EHBP1: variants seen among roughly 807,000 people sequenced by gnomAD.
EHBP1 encodes EH domain binding protein 1, also known as EH domain-binding protein 1.
EHBP1 carries 55 observed loss-of-function variants against 144.0 expected under a neutral mutation model. That is an observed-to-expected ratio of 0.38 (90% confidence interval 0.31 to 0.48). EHBP1 has a LOEUF of 0.48. Among genes scored for constraint, EHBP1 ranks in the 20% least tolerant of loss-of-function variants. The probability of loss-of-function intolerance (pLI) is 0.98; values close to 1 mark genes in which losing one functional copy is unlikely to be tolerated. For synonymous variants in EHBP1, 469 were observed against 472.7 expected, an observed-to-expected ratio of 0.99 and a Z score of 0.10; for missense variants, 1,200 against 1,364.2, an observed-to-expected ratio of 0.88 and a Z score of 1.90.
chr2:62,996,283 G>A (rs1416507726), intron 18 of EHBP1, among the ~76,000 whole-genome samples: 1 of 151,988 alleles, frequency 6.6e-6, no homozygotes, highest in Non-Finnish European at 1.5e-5. Context: ...TGCCATTGGT[G>A]TTTGTTTTGA....
chr2:62,860,741 T>C (rs867706156), intron 8 of EHBP1, among the ~76,000 whole-genome samples: 1 of 152,210 alleles, frequency 6.6e-6, no homozygotes, highest in Non-Finnish European at 1.5e-5. Context: ...ATTTGAACTT[T>C]CTATTTTAAA....
chr2:62,724,843 G>A (rs2036590643), intron 2 of EHBP1, among the ~76,000 whole-genome samples: 2 of 152,150 alleles, frequency 1.3e-5, no homozygotes, highest in Admixed American at 6.5e-5. Flanking sequence ...TCTCACAGGA[G>A]CACAAATGCT....
chr2:62,894,624 A>G (rs973399513), intron 10 of EHBP1, among the ~76,000 whole-genome samples: 9 of 152,184 alleles, frequency 5.9e-5, no homozygotes, highest in African/African-American at 2.2e-4. Flanking sequence ...TGAGTGGAGT[A>G]CCTGGACATA....
intron 14 of EHBP1, among the ~76,000 whole-genome samples, chr2:62,970,402 T>G (rs17432663): frequency 0.088 from 13,360 of 151,784 alleles, 765 homozygotes; most frequent in Non-Finnish European, 0.13. Flanking sequence ...GAAATGTGGG[T>G]TTTTTTTGGT....
intron 10 of EHBP1, among the ~76,000 whole-genome samples, chr2:62,893,627 C>G (rs908624013): frequency 6.6e-6 from 1 of 152,132 alleles, no homozygotes; most frequent in African/African-American, 2.4e-5. Context: ...GAGAAATAAA[C>G]TAATTCAAAA....
intron 6 of EHBP1, among the ~76,000 whole-genome samples, chr2:62,829,218 G>A (rs1421791393): frequency 6.6e-6 from 1 of 151,940 alleles, no homozygotes; most frequent in Non-Finnish European, 1.5e-5. Flanking sequence ...TTTAAATTAT[G>A]TTATTTCAAT....
chr2:62,834,830 C>T (rs1367321965), intron 7 of EHBP1, among the ~76,000 whole-genome samples: 1 of 152,144 alleles, frequency 6.6e-6, no homozygotes, highest in African/African-American at 2.4e-5. Context: ...GGAGGGCGCA[C>T]TTTTCATATA....
chr2:62,942,882 T>G lies in EHBP1; in HGVS notation c.1350T>G (p.Phe450Leu). ...CTTTTTGTGCAATATTACACCACTT[T>G]AGACCAGATTTAATGTAAGTAGAAA... ...GLSFCAILHH[F>L]RPDLIDYKSL... Residue 450 changes from phenylalanine to leucine, a missense_variant, in exon 11 of 23, where the codon TTT becomes TTG. This residue lies in a region of EHBP1 where 94 missense variants were observed against 143.0 expected (regional missense o/e 0.66). Transcript: ENST00000431489. The G allele has an allele frequency of 6.2e-7, 1 of 1,603,170 alleles. No individual in the cohort carries two copies. Among genetic ancestry groups the G allele is most frequent in the Middle Eastern group, 1.7e-4 (1 of 6,000 alleles).
intron 14 of EHBP1, among the ~76,000 whole-genome samples, chr2:62,957,112 T>G (rs2057740820): frequency 6.6e-6 from 1 of 152,202 alleles, no homozygotes; most frequent in South Asian, 2.1e-4. Context: ...TATTAACAAA[T>G]TCAACCCAGA....
intron 2 of EHBP1, among the ~76,000 whole-genome samples, chr2:62,712,844 C>G (rs550159215): frequency 2.0e-5 from 3 of 152,076 alleles, no homozygotes; most frequent in Non-Finnish European, 4.4e-5. Context: ...TGACAAGATA[C>G]TGGTGGTGTC....
Position 62,948,556 on chromosome 2 carries a change from A to G in EHBP1, c.1710A>G (p.Val570=). ...PELQQPISGA[V]DFLSQDDSVF... ...TACAACAGCCTATCAGCGGAGCAGTAGACTTCTTATCACAGGATGACTCTG... is the reference window on the plus strand; with the variant it reads ...TACAACAGCCTATCAGCGGAGCAGTGGACTTCTTATCACAGGATGACTCTG... Residue 570 remains valine (V), a synonymous_variant, in exon 13 of 23, where the codon GTA becomes GTG. Transcript: ENST00000431489. 1 of 1,614,130 alleles carries G rather than the reference A, an allele frequency of 6.2e-7. No individual in the cohort carries two copies. The highest frequency in any genetic ancestry group is 8.5e-7 in the Non-Finnish European group (1 of 1,179,996).
At chr2:63,006,675 G>T (rs2060049705) in intron 19 of EHBP1, among the ~76,000 whole-genome samples, 1 of 151,738 alleles carries the variant, frequency 6.6e-6, no homozygotes, top group Non-Finnish European at 1.5e-5. Flanking sequence ...TAAAAGATAA[G>T]TGTTATTTAT....
chr2:62,832,939 T>C (rs1483648108), intron 7 of EHBP1, among the ~76,000 whole-genome samples: 3 of 152,212 alleles, frequency 2.0e-5, no homozygotes, highest in African/African-American at 4.8e-5. Context: ...AAACCAAAGA[T>C]AGGCCGAATG....
At chr2:62,737,671 C>CA (rs2038283703) in intron 2 of EHBP1, among the ~76,000 whole-genome samples, 1 of 152,128 alleles carries the variant, frequency 6.6e-6, no homozygotes, top group Non-Finnish European at 1.5e-5. Context: ...GAGGAACTGC[C>CA]AGACTATTTT....
At chr2:62,930,067 C>A (rs1351923521) in intron 10 of EHBP1, among the ~76,000 whole-genome samples, 1 of 151,908 alleles carries the variant, frequency 6.6e-6, no homozygotes, top group Non-Finnish European at 1.5e-5. Context: ...GAAAACATGG[C>A]GAAACCCCCA....
chr2:62,814,863 C>CAGTTCTGTTCTTATCAAATTTAAATGA (rs2045324311), intron 5 of EHBP1, among the ~76,000 whole-genome samples: 3 of 152,234 alleles, frequency 2.0e-5, no homozygotes, highest in Non-Finnish European at 4.4e-5. Context: ...TAAAAATGCT[C>CAGTTCTGTTCTTATCAAATTTAAATGA]AGTTCTGTTC....
chr2:63,035,910 C>G (rs1050521047), intron 19 of EHBP1, among the ~76,000 whole-genome samples: 3 of 151,958 alleles, frequency 2.0e-5, no homozygotes, highest in African/African-American at 7.2e-5. Context: ...GAATACAAAA[C>G]CAGCTACCCT....
intron 10 of EHBP1, among the ~76,000 whole-genome samples, chr2:62,893,759 TA>T (rs2052646381): frequency 6.6e-6 from 1 of 152,000 alleles, no homozygotes; most frequent in African/African-American, 2.4e-5. Context: ...TAAGATGTAT[TA>T]AGGCTGGGCA....
chr2:62,920,904 A>G (rs13422747), intron 10 of EHBP1, among the ~76,000 whole-genome samples: 1 of 152,022 alleles, frequency 6.6e-6, no homozygotes, highest in Admixed American at 6.6e-5. Flanking sequence ...CCTGACCTCA[A>G]ATGATCTGCC....
Sources: allele counts gnomAD v4.1 joint callset (sites outside exome capture counted in the v4.1 genomes callset), GRCh38; gene constraint gnomAD v4.1.1; regional missense constraint gnomAD v4.1.1; transcripts MANE v1.5; gene names NCBI Gene and HGNC (gene_info 2026-07-23, HGNC 2026-07-21).